ZNF90: variants seen among roughly 807,000 people sequenced by gnomAD.
ZNF90 encodes zinc finger protein 90, also known as zinc finger protein HTF9.
A neutral mutation model predicts 12.0 loss-of-function variants in ZNF90; 11 were observed. The observed-to-expected ratio is 0.92, with a 90% confidence interval of 0.58 to 1.52. The LOEUF is 1.52. Ranked by LOEUF, ZNF90 falls within the 40% of genes most tolerant of loss-of-function variation. The probability of loss-of-function intolerance (pLI) is 0.00; values close to 1 mark genes in which losing one functional copy is unlikely to be tolerated. For synonymous variants in ZNF90, 232 were observed against 240.1 expected (o/e 0.97, Z 0.31); for missense variants, 765 against 711.5 (o/e 1.08, Z -0.86).
In ZNF90 at chr19:20,118,045, A is replaced by T. The variant is rs782596439; in HGVS notation, c.491A>T (p.Lys164Met). Residue 164 changes from lysine (K) to methionine (M), a missense_variant, in exon 4 of 4, where the codon AAG (lysine) becomes ATG (methionine). Physicochemically the swap from Lys to Met is moderately conservative, Grantham distance 95. Coordinates refer to ENST00000418063, the MANE Select transcript of ZNF90 (RefSeq NM_007138.2). ...ATATTTTCAAATTCAAACAGACATA[A>T]GATAAGAGATACTGGAAAAAAACCT... is the stretch of plus-strand genomic sequence containing the variant. ...SHIFSNSNRH[K>M]IRDTGKKPFK... is the part of the protein sequence containing the mutation. 1.7e-5 allele frequency: 27 copies of T among 1,611,796 alleles called. No individual in the cohort carries two copies. Among genetic ancestry groups the T allele is most frequent in the Non-Finnish European group, 2.2e-5 (26 of 1,178,924 alleles).
At chr19:20,102,531 C>T (rs1275633154) in intron 1 of ZNF90, among the ~76,000 whole-genome samples, 2 of 152,200 alleles carry the variant, frequency 1.3e-5, no homozygotes, top group African/African-American at 4.8e-5. Flanking sequence ...TGCCATTGCT[C>T]CATCTGTGAG....
intron 1 of ZNF90, among the ~76,000 whole-genome samples, chr19:20,098,200 C>G (rs945690799): frequency 6.6e-6 from 1 of 152,108 alleles, no homozygotes. Flanking sequence ...CCAGGTGGAT[C>G]CTACCTAGAA....
In ZNF90 at chr19:20,114,753, T is replaced by A. The variant is rs10422539; in HGVS notation, c.227-3028T>A. Among the ~76,000 whole-genome samples the A allele has an allele frequency of 9.4e-3, 1,438 of 152,282 alleles. 15 individuals are homozygous for A. The highest frequency in any genetic ancestry group is 0.026 in the African/African-American group (1,078 of 41,558). On this transcript the variant is annotated intron_variant, in intron 3 of 3. Transcript: ENST00000418063. ...ATTGAGAAGGCTGTGTATCCTGATG[T>A]TGTTGAGGAGTGTTCTCTATACCTT...
At chr19:20,089,083 A>T (rs1363312807) in intron 1 of ZNF90, among the ~76,000 whole-genome samples, 2 of 152,276 alleles carry the variant, frequency 1.3e-5, no homozygotes, top group East Asian at 3.9e-4. Context: ...AAGTAAAAAG[A>T]TGAGAAGGAG....
chr19:20,081,947 G>A (rs1219535334), intron 1 of ZNF90, among the ~76,000 whole-genome samples: 1 of 151,724 alleles, frequency 6.6e-6, no homozygotes, highest in Non-Finnish European at 1.5e-5. Context: ...TGTATTTTTA[G>A]TAGAGACGGG....
At chr19:20,117,423 T>TTCCTTCCCTCCTTCCTTCCTTCCTTC (rs1555705802) in intron 3 of ZNF90, 1 of 136,200 alleles carries the variant, frequency 7.3e-6, no homozygotes, top group Non-Finnish European at 1.5e-5. Flanking sequence ...TTCCTTCCTT[T>TTCCTTCCCTCCTTCCTTCCTTCCTTC]CTTCCTTCCC....
Position 20,119,061 on chromosome 19 carries a change from C to T in ZNF90, c.1507C>T (p.His503Tyr). 6.2e-7 allele frequency: 1 copy of T among 1,611,006 alleles called. No homozygotes were observed. Among genetic ancestry groups the T allele is most frequent in the Non-Finnish European group, 8.5e-7 (1 of 1,178,406 alleles). Residue 503 changes from histidine to tyrosine, a missense_variant, in exon 4 of 4, where the codon CAC (histidine) becomes TAC (tyrosine). His to Tyr is a moderately conservative substitution (Grantham distance 83, BLOSUM62 2). Transcript: ENST00000418063. Reference sequence around the variant, plus strand: ...AGCCCTTAGCACACATAAGATAATTCACAGTGGAGAGAATCCCTACAAATG... The same window carrying T: ...AGCCCTTAGCACACATAAGATAATTTACAGTGGAGAGAATCCCTACAAATG... ...SSALSTHKII[H>Y]SGENPYKCEE...
chr19:20,103,128 T>C (rs781640180), intron 1 of ZNF90, among the ~76,000 whole-genome samples: 1 of 152,180 alleles, frequency 6.6e-6, no homozygotes, highest in Non-Finnish European at 1.5e-5. Context: ...CAGGGGGCCA[T>C]TGCGATCCTC....
chr19:20,101,476 G>A (rs1476270783), intron 1 of ZNF90, among the ~76,000 whole-genome samples: 4 of 152,164 alleles, frequency 2.6e-5, no homozygotes, highest in African/African-American at 9.7e-5. Flanking sequence ...TAACTAAATT[G>A]CTGGTGTCTG....
intron 1 of ZNF90, among the ~76,000 whole-genome samples, chr19:20,102,162 G>A (rs2088994771): frequency 6.6e-6 from 1 of 152,156 alleles, no homozygotes; most frequent in Admixed American, 6.5e-5. Flanking sequence ...CAAAATGTCA[G>A]TATGTTCATC....
chr19:20,080,244 A>G (rs2088809815), intron 1 of ZNF90: 3 of 581,702 alleles, frequency 5.2e-6, no homozygotes, highest in South Asian at 2.8e-5. Flanking sequence ...GCACGATGCA[A>G]TTCTTCACCA....
intron 1 of ZNF90, among the ~76,000 whole-genome samples, chr19:20,089,369 C>G (rs182268142): frequency 2.3e-4 from 35 of 152,180 alleles, no homozygotes; most frequent in Admixed American, 1.2e-3. Flanking sequence ...TCTTCCTAAG[C>G]AATAATTGCT....
At chr19:20,107,404 T>C (rs1197520638) in intron 3 of ZNF90, among the ~76,000 whole-genome samples, 1 of 152,182 alleles carries the variant, frequency 6.6e-6, no homozygotes, top group Non-Finnish European at 1.5e-5. Context: ...AGGGCCTGCC[T>C]TCTGACTAGA....
chr19:20,104,401 C>T (rs1555704185), intron 2 of ZNF90, 36 bp downstream of exon 2: 7 of 1,552,380 alleles, frequency 4.5e-6, no homozygotes, highest in Non-Finnish European at 6.1e-6. Flanking sequence ...CATAATATAC[C>T]CTAAAGGTTG....
rs1355157585 is a variant in ZNF90, at chr19:20,118,834, G to A, written c.1280G>A (p.Cys427Tyr). 1.2e-6 allele frequency: 2 copies of A among 1,603,882 alleles called. No individual in the cohort carries two copies. The highest frequency in any genetic ancestry group is 1.3e-5 in the African/African-American group (1 of 74,374). Reference protein sequence around the residue: ...ISHTEEKPYKCQECDKVFKRS... With the variant: ...ISHTEEKPYKYQECDKVFKRS... ...CATACTGAAGAGAAACCCTACAAAT[G>A]TCAAGAATGTGACAAAGTCTTCAAA... is the stretch of plus-strand genomic sequence containing the variant. Residue 427 changes from cysteine to tyrosine, a missense_variant, in exon 4 of 4, where the codon TGT becomes TAT. Physicochemically the swap from Cys to Tyr is radical, Grantham distance 194 (BLOSUM62 -2). Coordinates refer to ENST00000418063, the MANE Select transcript of ZNF90 (RefSeq NM_007138.2).
rs2089187383 is a variant in ZNF90 at position 20,120,664 on chromosome 19, ACTTC to A, written c.*1305_*1308del. On this transcript the variant is annotated 3_prime_UTR_variant, in exon 4 of 4. Coordinates refer to ENST00000418063, the MANE Select transcript of ZNF90 (RefSeq NM_007138.2). ...ATTTACAGTAGAATAAGGCACTGAT[ACTTC>A]AGACATTACACTAAAACAGTGTTGA... 1.3e-5 allele frequency among the ~76,000 whole-genome samples: 2 copies of A among 152,238 alleles called. No homozygotes were observed. The highest frequency in any genetic ancestry group is 2.4e-5 in the African/African-American group (1 of 41,464).
At chr19:20,086,712 T>A (rs2088862320) in intron 1 of ZNF90, among the ~76,000 whole-genome samples, 1 of 152,218 alleles carries the variant, frequency 6.6e-6, no homozygotes, top group African/African-American at 2.4e-5. Context: ...CTATATACAT[T>A]ATGACTAGTT....
rs1555705844 is a variant in ZNF90, at chr19:20,117,763, T to C, written c.227-18T>C. On this transcript the variant is annotated intron_variant, in intron 3 of 3. Transcript: ENST00000418063. ...GAATCTAGCAATTGAAGTAATGTGT[T>C]CTTATTGTTTCTTTCAGTTATGTGT... 2.0e-6 allele frequency: 3 copies of C among 1,483,516 alleles called. No individual in the cohort carries two copies. The highest frequency in any genetic ancestry group is 2.7e-6 in the Non-Finnish European group (3 of 1,120,634). 91.9% of individuals were successfully genotyped at this position (1,483,516 alleles called of 1,614,324 possible).
intron 3 of ZNF90, among the ~76,000 whole-genome samples, chr19:20,108,153 T>A (rs2089055685): frequency 6.6e-6 from 1 of 152,212 alleles, no homozygotes; most frequent in Non-Finnish European, 1.5e-5. Context: ...TTTTAAATGC[T>A]AATTTATTAA....
Sources: gnomAD v4.1 joint callset for allele counts (sites outside exome capture counted in the v4.1 genomes callset) on GRCh38, gnomAD v4.1.1 for gene constraint, MANE v1.5 for transcripts, NCBI Gene and HGNC (gene_info 2026-07-23, HGNC 2026-07-21) for gene names.